Variants in FCRL5 observed in about 807,000 individuals in gnomAD.
FCRL5 encodes Fc receptor like 5.
In FCRL5, 79 loss-of-function variants were observed where a neutral mutation model predicts 92.1. That is an observed-to-expected ratio of 0.86 (90% CI 0.72 to 1.03). FCRL5 has a LOEUF of 1.03. Ranked by LOEUF, FCRL5 falls within the 50% of genes least tolerant of loss-of-function variation. The pLI is 0.00. For missense variants in FCRL5, 1,160 were observed against 1,181.1 expected (o/e 0.98, Z 0.26); for synonymous variants, 466 against 469.3 (o/e 0.99, Z 0.09).
At chr1:157,532,951 T>G (rs1480378898) in intron 8 of FCRL5, 1 of 152,218 alleles carries the variant, frequency 6.6e-6, no homozygotes, top group Non-Finnish European at 1.5e-5. Context: ...TCCCTGTATT[T>G]TTGACAATGT....
intron 6 of FCRL5, among the ~76,000 whole-genome samples, chr1:157,541,586 C>T (rs1651262850): frequency 1.3e-5 from 2 of 152,260 alleles, no homozygotes. Flanking sequence ...TGTTCCCACT[C>T]ATCCTCAGGT....
chr1:157,544,297 A>G lies in FCRL5; in HGVS notation c.809T>C (p.Ile270Thr). ...TATCCAGGATCTCGGGCTGTCAGAT[A>G]TGACGCTGTAAGGCATTGTTGCTGC... ...CKAATMPYSVISDSPRSWIQV... is the reference protein window; with the variant it reads ...CKAATMPYSVTSDSPRSWIQV... Residue 270 changes from isoleucine (I) to threonine (T), a missense_variant, in exon 5 of 17, where the codon ATA becomes ACA. By Grantham distance (89) the Ile-to-Thr change is moderately conservative. Transcript: ENST00000361835. 2 of 1,614,188 alleles carry G rather than the reference A, an allele frequency of 1.2e-6. No homozygotes were observed. The highest frequency in any genetic ancestry group is 1.7e-6 in the Non-Finnish European group (2 of 1,180,016).
intron 6 of FCRL5, chr1:157,542,419 G>T (rs570020643): frequency 6.4e-6 from 1 of 157,232 alleles, no homozygotes; most frequent in Non-Finnish European, 1.4e-5. Context: ...ATGATCCAGC[G>T]ACTTGTCTTT....
At chr1:157,551,457 T>C (rs1036683811) in intron 1 of FCRL5, among the ~76,000 whole-genome samples, 3 of 152,258 alleles carry the variant, frequency 2.0e-5, no homozygotes, top group Non-Finnish European at 2.9e-5. Flanking sequence ...CTAGCTATTT[T>C]GAATACAGTT....
chr1:157,545,232 G>A (rs764977001), intron 3 of FCRL5, 150 bp from the exon 4 acceptor site: 7 of 957,944 alleles, frequency 7.3e-6, no homozygotes, highest in South Asian at 1.8e-5. Flanking sequence ...ATTTAAAAAT[G>A]AACACATACA....
chr1:157,517,334 T>C (rs1006150308), intron 15 of FCRL5, among the ~76,000 whole-genome samples: 2 of 152,196 alleles, frequency 1.3e-5, no homozygotes, highest in Non-Finnish European at 2.9e-5. Context: ...TGTAATAATG[T>C]GCCCCCAAAG....
chr1:157,521,672 G>A (rs1218101216), intron 10 of FCRL5: 1 of 157,860 alleles, frequency 6.3e-6, no homozygotes, highest in Non-Finnish European at 1.4e-5. Context: ...ACCTACATAT[G>A]CCCTTGGTGG....
In FCRL5 at chr1:157,534,262, T is replaced by C. The variant is rs115581447; in HGVS notation, c.1681+352A>G. ...TTTAAGGTCTTGACCAATATTTATCTATAAGACTGTGCTTGTAGCTAAGTT... is the reference window on the plus strand; with the variant it reads ...TTTAAGGTCTTGACCAATATTTATCCATAAGACTGTGCTTGTAGCTAAGTT... On this transcript the variant is annotated intron_variant, in intron 8 of 16. Coordinates refer to ENST00000361835, the MANE Select transcript of FCRL5 (RefSeq NM_031281.3). 6.9e-3 allele frequency: 4,596 copies of C among 669,090 alleles called. 162 individuals carry two copies. In the African/African-American group the frequency reaches 0.072, roughly 10 times the overall value. 41.4% of individuals were successfully genotyped at this position (669,090 alleles called of 1,614,324 possible).
intron 7 of FCRL5, among the ~76,000 whole-genome samples, chr1:157,537,709 C>T (rs1190324864): frequency 2.0e-5 from 3 of 152,166 alleles, no homozygotes; most frequent in Admixed American, 6.5e-5. Flanking sequence ...ATGTCGCCCC[C>T]GGACACCCAG....
rs199512022 is a variant in FCRL5, at chr1:157,546,923, C to T, written c.307+20G>A. 904 of 1,601,850 alleles carry T rather than the reference C, an allele frequency of 5.6e-4. No individual in the cohort carries two copies. The highest frequency in any genetic ancestry group is 7.5e-4 in the Non-Finnish European group (874 of 1,172,842). ...GCTGAATTGATTTCTAAAGTTGGTG[C>T]GTCTTTCACGCTCTCTCACCTGAAG... On this transcript the variant is annotated intron_variant, in intron 3 of 16. Coordinates refer to ENST00000361835, the MANE Select transcript of FCRL5 (RefSeq NM_031281.3).
chr1:157,518,564 T>A (rs1416511915), intron 14 of FCRL5, 67 bp from the exon 15 acceptor site: 1 of 1,498,178 alleles, frequency 6.7e-7, no homozygotes, highest in Non-Finnish European at 9.3e-7. Flanking sequence ...TACTTCCTCC[T>A]CCCCCAGCCA....
At chr1:157,517,229 G>A (rs945962844) in intron 15 of FCRL5, among the ~76,000 whole-genome samples, 6 of 152,140 alleles carry the variant, frequency 3.9e-5, no homozygotes, top group African/African-American at 9.7e-5. Flanking sequence ...TGTAGTCATC[G>A]TCACAGCTGC....
At position 157,544,496 on chromosome 1, in the gene FCRL5, C is replaced by T. The variant is rs1411198624; in HGVS notation, c.610G>A (p.Gly204Arg). 13 of 1,614,038 alleles carry T rather than the reference C, an allele frequency of 8.1e-6. No individual in the cohort carries two copies. The highest frequency in any genetic ancestry group is 2.2e-5 in the East Asian group (1 of 44,902). The change falls in exon 5 of 17, where the codon GGG becomes AGG. Residue 204 changes from glycine (G) to arginine (R), a missense_variant. Physicochemically the swap from Gly to Arg is moderately radical, Grantham distance 125. Transcript: ENST00000361835. ...TCACAGGTCAGGGTCACTGGGTTCC[C>T]GCTGATGGGCTGGAAGGAGCTGGCT... is the stretch of plus-strand genomic sequence containing the variant. Reference protein sequence around the residue: ...LRASSFQPISGNPVTLTCETQ... With the variant: ...LRASSFQPISRNPVTLTCETQ...
rs758817973 is a variant in FCRL5 at position 157,515,697 on chromosome 1, G to T, written c.2912C>A (p.Ala971Asp). 6.2e-7 allele frequency: 1 copy of T among 1,614,170 alleles called. No homozygotes were observed. The highest frequency in any genetic ancestry group is 1.7e-5 in the Admixed American group (1 of 60,032). Reference sequence around the variant, plus strand: ...GACTCATCTGTGAGGAGCTGAGGAAGCCAAGAACAGGGATCCGGAAACCGG... The same window carrying T: ...GACTCATCTGTGAGGAGCTGAGGAATCCAAGAACAGGGATCCGGAAACCGG... ...STPVSGSLFLASSAPHR is the reference protein window; with the variant it reads ...STPVSGSLFLDSSAPHR Residue 971 changes from alanine (A) to aspartate (D), a missense_variant, in exon 17 of 17, where the codon GCT becomes GAT. By Grantham distance (126) the Ala-to-Asp change is moderately radical. Coordinates refer to ENST00000361835, the MANE Select transcript of FCRL5 (RefSeq NM_031281.3).
At chr1:157,542,706 A>G in intron 6 of FCRL5, 153 bp downstream of exon 6, 1 of 918,700 alleles carries the variant, frequency 1.1e-6, no homozygotes, top group Non-Finnish European at 1.7e-6. Flanking sequence ...AGAGGCAGAC[A>G]GCTGGTTCAG....
intron 2 of FCRL5, 70 bp downstream of exon 2, chr1:157,549,490 T>C (rs1651713015): frequency 1.4e-6 from 2 of 1,397,232 alleles, no homozygotes; most frequent in Non-Finnish European, 2.0e-6. Context: ...CCATCACAAA[T>C]GTTTTCTATT....
chr1:157,524,261 T>A lies in FCRL5; in HGVS notation c.2239+18A>T. On this transcript the variant is annotated intron_variant, in intron 10 of 16. Transcript: ENST00000361835. ...AGTCAGTTCTCAGATGTGCTGCTGGTGGGCAGGGCCCACTCACCTGCAACT... is the reference window on the plus strand; with the variant it reads ...AGTCAGTTCTCAGATGTGCTGCTGGAGGGCAGGGCCCACTCACCTGCAACT... The A allele has an allele frequency of 6.2e-7, 1 of 1,613,648 alleles. No individual in the cohort carries two copies. The highest frequency in any genetic ancestry group is 8.5e-7 in the Non-Finnish European group (1 of 1,179,576).
At chr1:157,532,507 C>G (rs1650744340) in intron 8 of FCRL5, 3 of 151,442 alleles carry the variant, frequency 2.0e-5, no homozygotes, top group Admixed American at 6.6e-5. Flanking sequence ...AATGATTGTT[C>G]CTTTACTTCC....
At chr1:157,531,621 T>A (rs1650700344) in intron 8 of FCRL5, among the ~76,000 whole-genome samples, 2 of 152,116 alleles carry the variant, frequency 1.3e-5, no homozygotes, top group Non-Finnish European at 2.9e-5. Flanking sequence ...ATATGCACAA[T>A]GGAATAGTAT....
Sources: allele counts gnomAD v4.1 joint callset (sites outside exome capture counted in the v4.1 genomes callset), GRCh38; gene constraint gnomAD v4.1.1; transcripts MANE v1.5; gene names NCBI Gene and HGNC (gene_info 2026-07-23, HGNC 2026-07-21).